The following ADAMTSL2 variants were observed in gnomAD, a reference collection of about 807,000 sequenced individuals.
ADAMTSL2 encodes ADAMTS like 2.
ADAMTSL2 carries 55 observed loss-of-function variants against 117.0 expected under a neutral mutation model. The observed-to-expected ratio is 0.47, with a 90% CI of 0.38 to 0.59. ADAMTSL2 has a LOEUF of 0.59. Among genes scored for constraint, ADAMTSL2 ranks in the 20% least tolerant of loss-of-function variants. ADAMTSL2 has a pLI of 0.00. For synonymous variants in ADAMTSL2, 572 were observed against 566.4 expected (o/e 1.01, Z -0.14); for missense variants, 1,182 against 1,354.5 (o/e 0.87, Z 2.00).
Position 133,536,785 on chromosome 9 carries a change from G to A in ADAMTSL2, c.73G>A (p.Val25Met), listed in dbSNP as rs777512904. 6.2e-7 allele frequency: 1 copy of A among 1,614,166 alleles called. No individual in the cohort carries two copies. The highest frequency in any genetic ancestry group is 1.3e-5 in the African/African-American group (1 of 75,072). The change falls in exon 2 of 19, where the codon GTG becomes ATG. Residue 25 changes from valine (V) to methionine (M), a missense_variant. Physicochemically the swap from Val to Met is conservative, Grantham distance 21. Transcript: ENST00000651351. ...LVLAVVAGDTVSTGSTDNSPT... is the reference protein window; with the variant it reads ...LVLAVVAGDTMSTGSTDNSPT... ...TCTGGCAGTTGTAGCTGGGGACACA[G>A]TGTCAACCGGGTCCACGGTGAGTGG... is the stretch of plus-strand genomic sequence containing the variant.
intron 9 of ADAMTSL2, among the ~76,000 whole-genome samples, chr9:133,547,908 A>G (rs1258568634): frequency 6.6e-6 from 1 of 152,196 alleles, no homozygotes; most frequent in Non-Finnish European, 1.5e-5. Flanking sequence ...AAGTTCTTCT[A>G]TGGCTAGCGT....
intron 4 of ADAMTSL2, among the ~76,000 whole-genome samples, chr9:133,538,626 C>T (rs760048134): frequency 6.6e-6 from 1 of 152,024 alleles, no homozygotes; most frequent in Non-Finnish European, 1.5e-5. Context: ...ACCACTGTCC[C>T]TGTGCTCACA....
In ADAMTSL2 at chr9:133,574,809, G is replaced by C. The variant is rs2131194285; in HGVS notation, c.2801G>C (p.Gly934Ala). Residue 934 changes from glycine to alanine, a missense_variant, in exon 19 of 19, where the codon GGG becomes GCG. By Grantham distance (60) the Gly-to-Ala change is moderately conservative. This residue lies in a region of ADAMTSL2 where 465 missense variants were observed against 565.3 expected (regional missense o/e 0.82). Transcript: ENST00000651351. ...CTGGCCATCAAAGTGAACCTCTGCG[G>C]GCACTGGTACTACAGCAAGGCGTGC... ...CALAIKVNLC[G>A]HWYYSKACCR... 6.2e-7 allele frequency: 1 copy of C among 1,613,722 alleles called. No individual in the cohort carries two copies. The highest frequency in any genetic ancestry group is 2.2e-5 in the East Asian group (1 of 44,866).
intron 9 of ADAMTSL2, among the ~76,000 whole-genome samples, chr9:133,549,758 C>T (rs925377565): frequency 3.9e-5 from 6 of 152,144 alleles, no homozygotes; most frequent in African/African-American, 1.4e-4. Flanking sequence ...GGTCTCTTGG[C>T]ACAAAATGCC....
rs1830194923 is a variant in ADAMTSL2 at position 133,540,630 on chromosome 9, G to A, written c.445G>A (p.Asp149Asn). The A allele has an allele frequency of 1.2e-6, 2 of 1,613,658 alleles. No homozygotes were observed. Among genetic ancestry groups the A allele is most frequent in the Admixed American group, 1.7e-5 (1 of 60,016 alleles). The change falls in exon 6 of 19, where the codon GAC becomes AAC. Residue 149 changes from aspartate to asparagine, a missense_variant. This residue lies in a region of ADAMTSL2 where 372 missense variants were observed against 463.4 expected (regional missense o/e 0.80). Transcript: ENST00000651351. ...DYVHISSKPC[D>N]LHCTTVDGQR... Reference sequence around the variant, plus strand: ...TGTCCACATCTCCAGCAAACCGTGTGACCTGCACTGTACCACCGTGGACGG... The same window carrying A: ...TGTCCACATCTCCAGCAAACCGTGTAACCTGCACTGTACCACCGTGGACGG...
intron 4 of ADAMTSL2, 85 bp from the exon 5 acceptor site, chr9:133,539,686 G>GTCCCGGCTGT (rs1554810799): frequency 3.2e-4 from 421 of 1,305,534 alleles, no homozygotes; most frequent in Middle Eastern, 3.7e-4. Flanking sequence ...TGTCCCGGCT[G>GTCCCGGCTGT]CAGCCACTTC....
In ADAMTSL2 at chr9:133,555,508, C is replaced by T. The variant is rs1313355415; in HGVS notation, c.1277-50C>T. The T allele has an allele frequency of 6.8e-6, 11 of 1,611,188 alleles. No homozygotes were observed. The South Asian group carries it at 1.2e-4, about 18-fold the overall frequency. On this transcript the variant is annotated intron_variant, in intron 10 of 18. Transcript: ENST00000651351. ...GGTCCCCTCCCCAGGGCAGCCCTTGCCCCCAGGGCTCGGATGTGCCCACGG... is the reference window on the plus strand; with the variant it reads ...GGTCCCCTCCCCAGGGCAGCCCTTGTCCCCAGGGCTCGGATGTGCCCACGG...
chr9:133,567,407 C>T (rs1831000058), intron 13 of ADAMTSL2, among the ~76,000 whole-genome samples: 1 of 152,226 alleles, frequency 6.6e-6, no homozygotes, highest in Non-Finnish European at 1.5e-5. Flanking sequence ...GGGATTATTC[C>T]CAAGATTCCA....
At chr9:133,536,891 C>A in intron 2 of ADAMTSL2, 89 bp downstream of exon 2, 1 of 1,580,254 alleles carries the variant, frequency 6.3e-7, no homozygotes, top group Non-Finnish European at 8.6e-7. Context: ...TGGAGGGAGC[C>A]GTGTGGGCAC....
chr9:133,538,849 C>T (rs1830120378), intron 4 of ADAMTSL2, among the ~76,000 whole-genome samples: 3 of 152,142 alleles, frequency 2.0e-5, no homozygotes, highest in Admixed American at 6.5e-5. Flanking sequence ...TCTCGGAGCC[C>T]TTCTGCTCCA....
intron 15 of ADAMTSL2, 130 bp from the exon 16 acceptor site, chr9:133,569,278 A>G (rs1339041869): frequency 2.9e-5 from 24 of 830,568 alleles, no homozygotes; most frequent in Non-Finnish European, 4.5e-5. Flanking sequence ...GTTATTTAAA[A>G]AGTGGTTACC....
rs761143019 is a variant in ADAMTSL2, at chr9:133,537,507, G to T, written c.193G>T (p.Gly65Cys). 7.4e-7 allele frequency: 1 copy of T among 1,354,078 alleles called. No homozygotes were observed. Among genetic ancestry groups the T allele is most frequent in the Non-Finnish European group, 9.6e-7 (1 of 1,044,506 alleles). 83.9% of individuals were successfully genotyped at this position (1,354,078 alleles called of 1,614,324 possible). ...KWTACSRSCG[G>C]GVTSQERHCL... ...GACGGCGTGTTCCCGCAGTTGCGGGGGTGGGGTGACATCCCAGGAGCGGCA... is the reference window on the plus strand; with the variant it reads ...GACGGCGTGTTCCCGCAGTTGCGGGTGTGGGGTGACATCCCAGGAGCGGCA... Residue 65 changes from glycine to cysteine, a missense_variant, in exon 3 of 19, where the codon GGT (glycine) becomes TGT (cysteine). Coordinates refer to ENST00000651351, the MANE Select transcript of ADAMTSL2 (RefSeq NM_014694.4).
chr9:133,538,485 A>G, intron 4 of ADAMTSL2, 61 bp downstream of exon 4: 1 of 1,590,026 alleles, frequency 6.3e-7, no homozygotes, highest in Non-Finnish European at 8.6e-7. Context: ...TGCAGTTTTC[A>G]GGGGGTCTTC....
At chr9:133,534,957 C>T in intron 1 of ADAMTSL2, 40 bp downstream of exon 1, 1 of 1,365,486 alleles carries the variant, frequency 7.3e-7, no homozygotes, top group Non-Finnish European at 9.5e-7. Flanking sequence ...GTTGCAGCGT[C>T]CACCAGGCCA....
chr9:133,554,340 C>T lies in ADAMTSL2; in HGVS notation c.940-17C>T. 6.5e-7 allele frequency: 1 copy of T among 1,538,540 alleles called. No homozygotes were observed. The highest frequency in any genetic ancestry group is 8.7e-7 in the Non-Finnish European group (1 of 1,146,208). On this transcript the variant is annotated splice_polypyrimidine_tract_variant and intron_variant, in intron 9 of 18. Transcript: ENST00000651351. The surrounding 1 kb of genome is among the most constrained non-coding windows in gnomAD (Gnocchi z 5.2). The stretch of plus-strand genomic sequence containing the variant: ...ACAGAGTAAGGAGGGGCTGGGGACC[C>T]ACTTCTCTTTCCCTAGGTGTGGAAC...
chr9:133,539,661 CCCGG>C lies in ADAMTSL2; in HGVS notation c.310-108_310-105del. 3 of 1,076,872 alleles carry C rather than the reference CCCGG, an allele frequency of 2.8e-6. 1 individual carries two copies. In the African/African-American group the frequency reaches 5.1e-5, roughly 18 times the overall value. The allele number at this position is 1,076,872 out of a possible 1,614,324, so 66.7% of individuals were successfully genotyped here. On this transcript the variant is annotated intron_variant, in intron 4 of 18. Transcript: ENST00000651351. ...TGGGCCGTGGCCCCCGCACGGCTGT[CCCGG>C]CTGTCCCGGCTGTCCCGGCTGCAGC... is the stretch of plus-strand genomic sequence containing the variant.
intron 9 of ADAMTSL2, among the ~76,000 whole-genome samples, chr9:133,548,536 C>T (rs1214235001): frequency 2.0e-5 from 3 of 151,116 alleles, no homozygotes; most frequent in East Asian, 3.9e-4. Flanking sequence ...GTGTCAGGAG[C>T]GGTCTCAGGA....
intron 9 of ADAMTSL2, among the ~76,000 whole-genome samples, chr9:133,552,079 C>T (rs1446252588): frequency 5.9e-5 from 9 of 152,132 alleles, no homozygotes; most frequent in African/African-American, 1.2e-4. Context: ...TTGCCCGCCT[C>T]GGCCTCCCAA....
At chr9:133,568,918 T>C (rs1444402756) in intron 15 of ADAMTSL2, among the ~76,000 whole-genome samples, 160 bp downstream of exon 15, 1 of 152,158 alleles carries the variant, frequency 6.6e-6, no homozygotes, top group African/African-American at 2.4e-5. Flanking sequence ...TCAAAACTTC[T>C]CTCCAAACAC....
Sources: allele counts gnomAD v4.1 joint callset (sites outside exome capture counted in the v4.1 genomes callset), GRCh38; gene constraint gnomAD v4.1.1; regional missense constraint gnomAD v4.1.1; non-coding constraint Gnocchi (gnomAD v3.1); transcripts MANE v1.5; gene names NCBI Gene and HGNC (gene_info 2026-07-23, HGNC 2026-07-21).